Variants in LRP2 observed in about 807,000 individuals in gnomAD.
LRP2 encodes the protein LDL receptor related protein 2, also known as low-density lipoprotein receptor-related protein 2.
Under a neutral mutation model 531.0 loss-of-function variants are expected in LRP2, and 172 were observed. That is an observed-to-expected ratio of 0.32 (90% CI 0.29 to 0.37). The LOEUF (loss-of-function observed/expected upper bound fraction) is 0.37, where lower values mean the gene tolerates loss of function less well. Ranked by LOEUF, LRP2 falls within the 10% of genes least tolerant of loss-of-function variation. The pLI, the probability that LRP2 is intolerant of heterozygous loss-of-function variation, is 1.00. For missense variants in LRP2, 5,167 were observed against 5,868.3 expected, an observed-to-expected ratio of 0.88 and a Z score of 3.90; for synonymous variants, 1,992 against 2,027.6, an observed-to-expected ratio of 0.98 and a Z score of 0.47.
At chr2:169,297,385 T>C (rs990596540) in intron 4 of LRP2, among the ~76,000 whole-genome samples, 1 of 152,144 alleles carries the variant, frequency 6.6e-6, no homozygotes, top group Non-Finnish European at 1.5e-5. Flanking sequence ...TGCAAGAATT[T>C]AAGTATAGGG....
intron 44 of LRP2, among the ~76,000 whole-genome samples, chr2:169,199,633 G>C (rs970081995): frequency 3.3e-5 from 5 of 151,982 alleles, no homozygotes; most frequent in Admixed American, 3.3e-4. Flanking sequence ...AATAGATAAA[G>C]CTAACTATAT....
chr2:169,319,038 C>CCAGT (rs1406180267), intron 2 of LRP2, among the ~76,000 whole-genome samples, 154 bp from the exon 3 acceptor site: 2 of 152,186 alleles, frequency 1.3e-5, no homozygotes, highest in Non-Finnish European at 2.9e-5. Context: ...TCTGTGGACG[C>CCAGT]CAGTCAGAGT....
At chr2:169,239,471 T>C in intron 26 of LRP2, 56 bp downstream of exon 26, 2 of 1,613,500 alleles carry the variant, frequency 1.2e-6, no homozygotes, top group Non-Finnish European at 1.7e-6. Context: ...ATGTGCCATT[T>C]GATTTTAAGC....
At position 169,138,642 on chromosome 2, in the gene LRP2, G is replaced by C. The variant is rs1318786246; in HGVS notation, c.13453C>G (p.Leu4485Val). 33 of 1,613,866 alleles carry C rather than the reference G, an allele frequency of 2.0e-5. 1 individual carries two copies. In the Middle Eastern group the frequency reaches 8.2e-4, roughly 40 times the overall value. Residue 4485 changes from leucine to valine, a missense_variant, in exon 75 of 79, where the codon CTT becomes GTT. Leu to Val is a conservative substitution (Grantham distance 32). Around this residue, in one of 6 missense-constraint regions of LRP2, gnomAD observed 348 missense variants for 369.3 expected, o/e 0.94. Coordinates refer to ENST00000649046, the MANE Select transcript of LRP2 (RefSeq NM_004525.3). ...NGVTFRSGAD[L>V]NMDIGVSGFG... ...CCAGACACTCCAATATCCATGTTAAGATCTGCCCCTGATCTGAAGGTCACC... is the reference window on the plus strand; with the variant it reads ...CCAGACACTCCAATATCCATGTTAACATCTGCCCCTGATCTGAAGGTCACC...
intron 1 of LRP2, among the ~76,000 whole-genome samples, chr2:169,327,678 C>T (rs1685126795): frequency 9.5e-6 from 1 of 105,470 alleles, no homozygotes; most frequent in East Asian, 3.3e-4. Context: ...AGCCCCCTCC[C>T]GGCCAGCCGA....
chr2:169,144,444 C>T (rs62172578), intron 70 of LRP2, among the ~76,000 whole-genome samples: 89,776 of 122,522 alleles, frequency 0.73, 29,945 homozygotes, highest in South Asian at 0.81. Flanking sequence ...GCATCAGCTG[C>T]CGGAGGGAGA....
intron 1 of LRP2, among the ~76,000 whole-genome samples, chr2:169,336,014 C>CA (rs573316085): frequency 0.023 from 1,657 of 71,214 alleles, 19 homozygotes; most frequent in African/African-American, 0.061. Flanking sequence ...GACTTCATCT[C>CA]AAAAAAAAAA....
chr2:169,361,377 CCTCT>C (rs776760493), intron 1 of LRP2, among the ~76,000 whole-genome samples: 1 of 52,280 alleles, frequency 1.9e-5, no homozygotes, highest in African/African-American at 1.1e-4. Context: ...TCTCTCTCTC[CCTCT>C]CTCTCTCTCT....
At chr2:169,210,640 G>A (rs569153668) in intron 37 of LRP2, among the ~76,000 whole-genome samples, 1 of 152,154 alleles carries the variant, frequency 6.6e-6, no homozygotes, top group South Asian at 2.1e-4. Flanking sequence ...CAAAAAGCTA[G>A]AGGCAACTAC....
intron 37 of LRP2, 129 bp from the exon 38 acceptor site, chr2:169,209,770 C>T (rs1688528757): frequency 8.8e-6 from 8 of 907,276 alleles, no homozygotes; most frequent in Non-Finnish European, 1.2e-5. Context: ...AAAATGAAAC[C>T]CTTTTTTCCC....
chr2:169,322,430 C>T (rs1684933259), intron 1 of LRP2, among the ~76,000 whole-genome samples: 2 of 152,098 alleles, frequency 1.3e-5, no homozygotes, highest in African/African-American at 2.4e-5. Context: ...ACCCAAATAC[C>T]TTCTATAGAC....
chr2:169,128,908 T>A, intron 78 of LRP2, 78 bp from the exon 79 acceptor site: 1 of 1,569,868 alleles, frequency 6.4e-7, no homozygotes, highest in Non-Finnish European at 8.8e-7. Flanking sequence ...AAGAAGACTA[T>A]TTGTGGCCAC....
chr2:169,215,499 G>A (rs1339679695), intron 35 of LRP2, among the ~76,000 whole-genome samples: 1 of 151,984 alleles, frequency 6.6e-6, no homozygotes, highest in African/African-American at 2.4e-5. Context: ...ACTAAAGAAA[G>A]TTTCGCATGT....
intron 1 of LRP2, among the ~76,000 whole-genome samples, chr2:169,324,132 C>T (rs949683968): frequency 2.6e-5 from 4 of 152,082 alleles, no homozygotes; most frequent in Non-Finnish European, 5.9e-5. Context: ...CATAATAACC[C>T]TATGAAATAG....
intron 31 of LRP2, among the ~76,000 whole-genome samples, chr2:169,228,650 C>T (rs890747173): frequency 2.0e-5 from 3 of 152,210 alleles, no homozygotes; most frequent in Admixed American, 1.3e-4. Flanking sequence ...GCTTCTACTG[C>T]TTCCTGGGGA....
At chr2:169,131,884 T>C (rs1048009555) in intron 77 of LRP2, among the ~76,000 whole-genome samples, 6 of 152,248 alleles carry the variant, frequency 3.9e-5, no homozygotes, top group Non-Finnish European at 8.8e-5. Context: ...AAACTAATGA[T>C]ATACATTAAT....
intron 35 of LRP2, among the ~76,000 whole-genome samples, chr2:169,215,265 A>C (rs2052296): frequency 0.34 from 51,297 of 152,068 alleles, 9,150 homozygotes; most frequent in South Asian, 0.61. Flanking sequence ...CATCAATGTC[A>C]AGGATCTGAA....
chr2:169,354,383 C>A (rs984133985), intron 1 of LRP2, among the ~76,000 whole-genome samples: 4 of 152,174 alleles, frequency 2.6e-5, no homozygotes, highest in African/African-American at 9.7e-5. Flanking sequence ...AAGATCTGGA[C>A]AATAAATGCG....
chr2:169,292,661 T>C (rs966127721), intron 6 of LRP2, among the ~76,000 whole-genome samples: 2 of 151,252 alleles, frequency 1.3e-5, no homozygotes, highest in Non-Finnish European at 2.9e-5. Context: ...CTACCAAAAA[T>C]ACGAAAAATA....
Sources: allele counts gnomAD v4.1 joint callset (sites outside exome capture counted in the v4.1 genomes callset), GRCh38; gene constraint gnomAD v4.1.1; regional missense constraint gnomAD v4.1.1; transcripts MANE v1.5; gene names NCBI Gene and HGNC (gene_info 2026-07-23, HGNC 2026-07-21).